The following TPM4 variants were observed in gnomAD, a reference collection of about 807,000 sequenced individuals.
TPM4 encodes tropomyosin alpha-4 chain.
Under a neutral mutation model 35.8 loss-of-function variants are expected in TPM4, and 17 were observed. The observed-to-expected ratio is 0.47, with a 90% CI of 0.32 to 0.71. The LOEUF (loss-of-function observed/expected upper bound fraction) is 0.71, where lower values mean the gene tolerates loss of function less well. TPM4 is among the 30% of genes least tolerant of loss of function. The pLI is 0.03. For synonymous variants in TPM4, 120 were observed against 122.9 expected (o/e 0.98, Z 0.15); for missense variants, 240 against 320.9 (o/e 0.75, Z 1.93).
chr19:16,077,753 GTGT>G (rs368014950), intron 1 of TPM4, among the ~76,000 whole-genome samples: 380 of 152,074 alleles, frequency 2.5e-3, no homozygotes, highest in South Asian at 0.018. Flanking sequence ...ATAATCAATT[GTGT>G]TGTTGTTTTT....
chr19:16,068,733 TTGTG>T (rs777051847), intron 2 of TPM4, among the ~76,000 whole-genome samples: 1 of 152,056 alleles, frequency 6.6e-6, no homozygotes, highest in Non-Finnish European at 1.5e-5. Context: ...GTACACATAT[TTGTG>T]TGTGTGAGAG....
chr19:16,076,144 T>C, upstream of TPM4: 7 of 1,570,520 alleles, frequency 4.5e-6, no homozygotes, highest in Non-Finnish European at 6.0e-6. Context: ...CAGGAGAAGC[T>C]GGAGCTCACG....
intron 7 of TPM4, chr19:16,101,046 C>T (rs1432433469): frequency 5.3e-6 from 2 of 380,704 alleles, no homozygotes; most frequent in Non-Finnish European, 1.0e-5. Context: ...TGGCACGCGT[C>T]TGTAATCCCA....
At chr19:16,093,389 T>G in intron 5 of TPM4, 147 bp from the exon 6 acceptor site, 8 of 773,186 alleles carry the variant, frequency 1.0e-5, no homozygotes. Flanking sequence ...AGAGACGGGG[T>G]TTCACCATGT....
Position 16,086,397 on chromosome 19 carries a change from C to T in TPM4, c.267-26C>T, listed in dbSNP as rs761241635. On this transcript the variant is annotated intron_variant, in intron 2 of 7. Transcript: ENST00000643579. Reference sequence around the variant, plus strand: ...GGGTGGAGGGGTGTGAGTGAACGGCCGTCCTGATGAGATTGCTCCTTGCAG... The same window carrying T: ...GGGTGGAGGGGTGTGAGTGAACGGCTGTCCTGATGAGATTGCTCCTTGCAG... 5.7e-5 allele frequency: 91 copies of T among 1,597,050 alleles called. 2 individuals carry two copies. The South Asian group carries it at 7.7e-4, about 14-fold the overall frequency.
chr19:16,086,089 A>G (rs1308782836), intron 2 of TPM4, among the ~76,000 whole-genome samples: 1 of 144,334 alleles, frequency 6.9e-6, no homozygotes, highest in East Asian at 2.0e-4. Flanking sequence ...AAAAAAACCA[A>G]GATGAAGGAA....
intron 2 of TPM4, among the ~76,000 whole-genome samples, chr19:16,068,756 T>C (rs2090323279): frequency 6.6e-6 from 1 of 151,740 alleles, no homozygotes; most frequent in Admixed American, 6.6e-5. Context: ...AGCAGTTCTG[T>C]GTGTGTGTGA....
At chr19:16,068,057 G>A (rs1345445443) in intron 2 of TPM4, 4 of 417,372 alleles carry the variant, frequency 9.6e-6, no homozygotes, top group Non-Finnish European at 1.7e-5. Context: ...TACTAGATAG[G>A]GCGGTTGGGG....
At chr19:16,100,003 A>G (rs2090746573) in intron 7 of TPM4, 1 of 152,252 alleles carries the variant, frequency 6.6e-6, no homozygotes, top group Non-Finnish European at 1.5e-5. Flanking sequence ...AGATTTAACT[A>G]TCAAAGGCTC....
chr19:16,097,053 A>G (rs1321696045), intron 7 of TPM4, among the ~76,000 whole-genome samples: 2 of 137,520 alleles, frequency 1.5e-5, no homozygotes, highest in East Asian at 4.3e-4. Context: ...TCCTGGGTTC[A>G]AGTGATTCTC....
chr19:16,094,753 C>G (rs557461421), intron 7 of TPM4, among the ~76,000 whole-genome samples: 2 of 151,994 alleles, frequency 1.3e-5, no homozygotes, highest in South Asian at 2.1e-4. Flanking sequence ...AGAATTTTTT[C>G]AAGAGTTCCA....
At chr19:16,068,382 G>C (rs2090319553) in intron 2 of TPM4, among the ~76,000 whole-genome samples, 1 of 152,180 alleles carries the variant, frequency 6.6e-6, no homozygotes, top group African/African-American at 2.4e-5. Context: ...CGCCATGTTG[G>C]CCGGACTGGT....
intron 5 of TPM4, 123 bp downstream of exon 5, chr19:16,089,243 C>T: frequency 7.7e-7 from 1 of 1,299,496 alleles, no homozygotes; most frequent in South Asian, 1.4e-5. Context: ...GCGTTGGTGC[C>T]TGGCAGCCAG....
At chr19:16,079,088 C>CA (rs1024930736) in intron 1 of TPM4, among the ~76,000 whole-genome samples, 1 of 152,106 alleles carries the variant, frequency 6.6e-6, no homozygotes, top group African/African-American at 2.4e-5. Context: ...AGCAGTTTTT[C>CA]AAAAATACAT....
intron 7 of TPM4, among the ~76,000 whole-genome samples, chr19:16,098,531 C>G (rs770184970): frequency 3.3e-5 from 5 of 152,154 alleles, no homozygotes; most frequent in African/African-American, 4.8e-5. Context: ...TGTCGTGATT[C>G]TCAAGGGCAG....
At chr19:16,088,779 C>T (rs953125854) in intron 4 of TPM4, 104 of 1,221,298 alleles carry the variant, frequency 8.5e-5, no homozygotes, top group Non-Finnish European at 1.1e-4. Context: ...TGCAGCCTTA[C>T]CCTTGGCAAA....
intron 5 of TPM4, among the ~76,000 whole-genome samples, chr19:16,089,948 T>A (rs2090605736): frequency 6.6e-6 from 1 of 151,822 alleles, no homozygotes; most frequent in Admixed American, 6.6e-5. Context: ...AGCCTTCGAC[T>A]CCCAAGTTCA....
At chr19:16,088,852 ATGATAAGCCTT>A in intron 4 of TPM4, 182 bp from the exon 5 acceptor site, 1 of 1,385,122 alleles carries the variant, frequency 7.2e-7, no homozygotes, top group Non-Finnish European at 9.4e-7. Context: ...TCTGCCTGGT[ATGATAAGCCTT>A]TGATAAGCCC....
At chr19:16,085,126 G>A (rs1471203725) in intron 2 of TPM4, among the ~76,000 whole-genome samples, 30 of 152,056 alleles carry the variant, frequency 2.0e-4, no homozygotes, top group Non-Finnish European at 1.5e-5. Flanking sequence ...GGTAGTGCAT[G>A]CTGGTAGTCC....
Sources: gnomAD v4.1 joint callset for allele counts (sites outside exome capture counted in the v4.1 genomes callset) on GRCh38, gnomAD v4.1.1 for gene constraint, MANE v1.5 for transcripts, NCBI Gene and HGNC (gene_info 2026-07-23, HGNC 2026-07-21) for gene names.